STXBP3: variants seen among roughly 807,000 people sequenced by gnomAD.
The protein encoded by STXBP3 is syntaxin-binding protein 3.
A neutral mutation model predicts 85.7 loss-of-function variants in STXBP3; 41 were observed. The observed-to-expected ratio is 0.48, with a 90% CI of 0.37 to 0.62. The LOEUF is 0.62. Among genes scored for constraint, STXBP3 ranks in the 20% least tolerant of loss-of-function variants. The pLI, the probability that STXBP3 is intolerant of heterozygous loss-of-function variation, is 0.00. For synonymous variants in STXBP3, 229 were observed against 231.7 expected (o/e 0.99, Z 0.10); for missense variants, 563 against 703.1 (o/e 0.80, Z 2.25).
intron 17 of STXBP3, among the ~76,000 whole-genome samples, chr1:108,806,479 C>G (rs561296839): frequency 1.8e-4 from 27 of 152,218 alleles, no homozygotes; most frequent in African/African-American, 5.5e-4. Flanking sequence ...ACACCAGATT[C>G]TGTACTTAGT....
chr1:108,800,367 T>C (rs1476024142), intron 17 of STXBP3, 62 bp downstream of exon 17: 1 of 1,251,146 alleles, frequency 8.0e-7, no homozygotes, highest in Non-Finnish European at 1.2e-6. Context: ...TTTAAAATGG[T>C]ACACAGATAC....
intron 11 of STXBP3, among the ~76,000 whole-genome samples, chr1:108,785,078 T>C (rs1190515327): frequency 6.6e-6 from 1 of 152,174 alleles, no homozygotes; most frequent in Non-Finnish European, 1.5e-5. Flanking sequence ...TGTTGCAAGC[T>C]GTTGGTGGAT....
At chr1:108,799,297 C>T (rs1663181263) in intron 16 of STXBP3, among the ~76,000 whole-genome samples, 1 of 152,020 alleles carries the variant, frequency 6.6e-6, no homozygotes, top group Non-Finnish European at 1.5e-5. Context: ...TTTCCTTTCT[C>T]ACAGGGATGA....
intron 2 of STXBP3, 118 bp from the exon 3 acceptor site, chr1:108,752,945 C>A: frequency 1.6e-6 from 1 of 617,466 alleles, no homozygotes; most frequent in Non-Finnish European, 2.6e-6. Flanking sequence ...GATCATTTTG[C>A]CTACTGTTCT....
chr1:108,776,430 T>A lies in STXBP3; in HGVS notation c.684+7T>A. On this transcript the variant is annotated splice_region_variant and intron_variant, in intron 8 of 18. Coordinates refer to ENST00000370008, the MANE Select transcript of STXBP3 (RefSeq NM_007269.4). ...TGAAAAGAGCCTAATAAAGGTAATG[T>A]ATGCAAGGCAAGTAATGACTATGCA... 4 of 1,588,880 alleles carry A rather than the reference T, an allele frequency of 2.5e-6. No homozygotes were observed. The highest frequency in any genetic ancestry group is 3.4e-6 in the Non-Finnish European group (4 of 1,165,216).
rs1662125462 is a variant in STXBP3 at position 108,760,923 on chromosome 1, G to T, written c.438+838G>T. 2.0e-5 allele frequency among the ~76,000 whole-genome samples: 3 copies of T among 151,798 alleles called. No individual in the cohort carries two copies. In the South Asian group the frequency reaches 6.2e-4, roughly 32 times the overall value. ...TGTTTTTGTTTTTTTCTTTTTTTGAGACTGAGTTTCGCTTTTGTCACCCAG... is the reference window on the plus strand; with the variant it reads ...TGTTTTTGTTTTTTTCTTTTTTTGATACTGAGTTTCGCTTTTGTCACCCAG... On this transcript the variant is annotated intron_variant, in intron 6 of 18. Coordinates refer to ENST00000370008, the MANE Select transcript of STXBP3 (RefSeq NM_007269.4).
At chr1:108,806,869 T>G (rs1434629050) in intron 17 of STXBP3, among the ~76,000 whole-genome samples, 1 of 151,260 alleles carries the variant, frequency 6.6e-6, no homozygotes, top group East Asian at 1.9e-4. Context: ...CAAGCCAGAT[T>G]ATGCATGATT....
At chr1:108,778,619 AATAG>A (rs1662639959) in intron 8 of STXBP3, among the ~76,000 whole-genome samples, 4 of 152,206 alleles carry the variant, frequency 2.6e-5, no homozygotes, top group Non-Finnish European at 4.4e-5. Flanking sequence ...AATTAAATGA[AATAG>A]TCCATGTATT....
chr1:108,786,202 A>G (rs1240882634), intron 11 of STXBP3, among the ~76,000 whole-genome samples: 1 of 152,214 alleles, frequency 6.6e-6, no homozygotes, highest in Non-Finnish European at 1.5e-5. Context: ...CAGGAAACTT[A>G]TAGTCATGGT....
chr1:108,747,780 G>T (rs1420267332), intron 1 of STXBP3, among the ~76,000 whole-genome samples: 1 of 152,128 alleles, frequency 6.6e-6, no homozygotes, highest in African/African-American at 2.4e-5. Context: ...ACATATAGCA[G>T]GCACTAAGCA....
At position 108,782,442 on chromosome 1, in the gene STXBP3, A is replaced by G; in HGVS notation, c.830A>G (p.Glu277Gly). 1 of 1,613,168 alleles carries G rather than the reference A, an allele frequency of 6.2e-7. No individual in the cohort carries two copies. The change falls in exon 10 of 19, where the codon GAA becomes GGA. Residue 277 changes from glutamate (E) to glycine (G), a missense_variant. Physicochemically the swap from Glu to Gly is moderately conservative, Grantham distance 98. Around this residue, in one of 3 missense-constraint regions of STXBP3, gnomAD observed 494 missense variants for 592.8 expected, o/e 0.83. Coordinates refer to ENST00000370008, the MANE Select transcript of STXBP3 (RefSeq NM_007269.4). ...TGTAGATATAAAACAGATGGAAAAGAAAAGGAGGCCATCCTTGAAGAAGAA... is the reference window on the plus strand; with the variant it reads ...TGTAGATATAAAACAGATGGAAAAGGAAAGGAGGCCATCCTTGAAGAAGAA... ...DTYKYKTDGK[E>G]KEAILEEEDD...
intron 12 of STXBP3, 58 bp from the exon 13 acceptor site, chr1:108,794,769 A>C (rs1465437965): frequency 2.8e-5 from 42 of 1,476,528 alleles, no homozygotes; most frequent in Non-Finnish European, 3.9e-5. Context: ...GTTTAATATT[A>C]CCAGTTGCAC....
chr1:108,752,338 A>G (rs1360114654), intron 2 of STXBP3, 32 bp downstream of exon 2: 1 of 1,600,118 alleles, frequency 6.2e-7, no homozygotes, highest in African/African-American at 1.3e-5. Context: ...CTTATAAAAA[A>G]TAATACAAAC....
At chr1:108,760,688 A>G (rs1662121331) in intron 6 of STXBP3, among the ~76,000 whole-genome samples, 1 of 152,168 alleles carries the variant, frequency 6.6e-6, no homozygotes, top group Non-Finnish European at 1.5e-5. Flanking sequence ...AAGATCAAGA[A>G]ATCAAAGAGG....
intron 8 of STXBP3, among the ~76,000 whole-genome samples, chr1:108,779,005 C>G (rs1381098438): frequency 6.6e-6 from 1 of 152,074 alleles, no homozygotes; most frequent in East Asian, 1.9e-4. Context: ...CAGTTCAAAC[C>G]CAAGTTATTA....
chr1:108,753,237 C>CCA (rs1459033020), intron 3 of STXBP3, 93 bp downstream of exon 3: 3 of 811,638 alleles, frequency 3.7e-6, no homozygotes, highest in Non-Finnish European at 5.4e-6. Flanking sequence ...TTCTAAGGAG[C>CCA]TTATTTTTTT....
chr1:108,796,574 T>G (rs779526616), intron 14 of STXBP3, 46 bp from the exon 15 acceptor site: 12 of 1,531,156 alleles, frequency 7.8e-6, no homozygotes, highest in Non-Finnish European at 7.2e-6. Context: ...GAAATTATTT[T>G]GGTAGCAATT....
intron 6 of STXBP3, among the ~76,000 whole-genome samples, chr1:108,769,523 A>G (rs1273488619): frequency 6.6e-6 from 1 of 152,192 alleles, no homozygotes; most frequent in South Asian, 2.1e-4. Context: ...TCTGGTAGAG[A>G]TAGAAACAAG....
At position 108,793,659 on chromosome 1, in the gene STXBP3, T is replaced by C; in HGVS notation, c.1029+12T>C. 1 of 1,602,438 alleles carries C rather than the reference T, an allele frequency of 6.2e-7. No homozygotes were observed. The highest frequency in any genetic ancestry group is 8.5e-7 in the Non-Finnish European group (1 of 1,171,454). On this transcript the variant is annotated intron_variant, in intron 12 of 18. Transcript: ENST00000370008. ...AACAGATTACTAAGGTAAGCAGTAT[T>C]GTATATGAGATACCTGATTAGTTTT...
Sources: allele counts gnomAD v4.1 joint callset (sites outside exome capture counted in the v4.1 genomes callset), GRCh38; gene constraint gnomAD v4.1.1; regional missense constraint gnomAD v4.1.1; transcripts MANE v1.5; gene names NCBI Gene and HGNC (gene_info 2026-07-23, HGNC 2026-07-21).